The following LGSN variants were observed in gnomAD, a reference collection of about 807,000 sequenced individuals.
The protein encoded by LGSN is lengsin, lens protein with glutamine synthetase domain, also known as lengsin.
LGSN carries 21 observed loss-of-function variants against 19.5 expected under a neutral mutation model. That is an observed-to-expected ratio of 1.07 (90% CI 0.76 to 1.55). The LOEUF (loss-of-function observed/expected upper bound fraction) is 1.55. LGSN is among the 40% of genes most tolerant of loss of function. LGSN has a pLI of 0.00. For missense variants in LGSN, 673 were observed against 608.5 expected (o/e 1.11, Z -1.12); for synonymous variants, 257 against 215.6 (o/e 1.19, Z -1.68).
At chr6:63,538,463 TA>T in the LGSN span, among the ~76,000 whole-genome samples, 1 of 152,230 alleles carries the variant, frequency 6.6e-6, no homozygotes, top group African/African-American at 2.4e-5. Context: ...AAAATTAGAT[TA>T]GTTTAATTTG....
chr6:63,406,475 C>T, the LGSN span, among the ~76,000 whole-genome samples: 1 of 150,472 alleles, frequency 6.6e-6, no homozygotes, highest in Non-Finnish European at 1.5e-5. Context: ...TTCTTTGAAA[C>T]CAAAGAGAAC....
At chr6:63,525,375 C>T in the LGSN span, among the ~76,000 whole-genome samples, 1 of 152,306 alleles carries the variant, frequency 6.6e-6, no homozygotes, top group African/African-American at 2.4e-5. Context: ...AGAGAGAGAA[C>T]AGACGGGAGG....
chr6:63,513,035 C>T, the LGSN span, among the ~76,000 whole-genome samples: 4 of 152,126 alleles, frequency 2.6e-5, no homozygotes, highest in Admixed American at 1.3e-4. Context: ...AGTGTTTGCC[C>T]AGAGAAATTT....
the LGSN span, among the ~76,000 whole-genome samples, chr6:63,369,959 G>A: frequency 7.9e-5 from 12 of 152,042 alleles, no homozygotes; most frequent in Non-Finnish European, 7.4e-5. Context: ...CCAAGATCAG[G>A]CCACTGCACT....
the LGSN span, among the ~76,000 whole-genome samples, chr6:63,348,515 C>T: frequency 1.3e-4 from 20 of 151,882 alleles, no homozygotes; most frequent in African/African-American, 4.8e-4. Context: ...TCTACGAGCT[C>T]TTGGTGCGCA....
At chr6:63,357,027 C>T in the LGSN span, among the ~76,000 whole-genome samples, 18,355 of 139,268 alleles carry the variant, frequency 0.13, 2,640 homozygotes, top group African/African-American at 0.36. Flanking sequence ...TTCCCCTTCC[C>T]GTGTCCATGT....
the LGSN span, among the ~76,000 whole-genome samples, chr6:63,554,560 G>A: frequency 6.6e-6 from 1 of 152,172 alleles, no homozygotes; most frequent in Non-Finnish European, 1.5e-5. Flanking sequence ...CACTTTGGGA[G>A]GCCAAGGTGG....
chr6:63,549,309 C>T, the LGSN span: 3 of 753,418 alleles, frequency 4.0e-6, no homozygotes, highest in East Asian at 2.5e-5. Context: ...GAGGATGGCT[C>T]TCTGCCGCTG....
chr6:63,344,812 T>A, the LGSN span, among the ~76,000 whole-genome samples: 5 of 152,080 alleles, frequency 3.3e-5, no homozygotes, highest in Non-Finnish European at 5.9e-5. Context: ...CAGAAAAAAA[T>A]ACTCATAGAA....
the LGSN span, among the ~76,000 whole-genome samples, chr6:63,479,719 G>A: frequency 3.4e-5 from 5 of 148,540 alleles, no homozygotes; most frequent in Non-Finnish European, 6.0e-5. Flanking sequence ...CAGCTTGGGC[G>A]ACAGAGTGAG....
At chr6:63,398,418 T>C in the LGSN span, among the ~76,000 whole-genome samples, 1 of 151,932 alleles carries the variant, frequency 6.6e-6, no homozygotes, top group African/African-American at 2.4e-5. Context: ...ATGTGTGTAC[T>C]TATGTCTTAG....
In LGSN at chr6:63,280,891, A is replaced by C. The variant is rs779795604; in HGVS notation, c.660T>G (p.Asn220Lys). 6.2e-7 allele frequency: 1 copy of C among 1,614,048 alleles called. No homozygotes were observed. The highest frequency in any genetic ancestry group is 8.5e-7 in the Non-Finnish European group (1 of 1,179,988). The change falls in exon 4 of 4, where the codon AAT becomes AAG. Residue 220 changes from asparagine (N) to lysine (K), a missense_variant. By Grantham distance (94) the Asn-to-Lys change is moderately conservative. Transcript: ENST00000370657. ...AAGCAGGAAAAGATATAATCTTTGA[A>C]TTTAAAATTTCGGGCACACCAAAAA... ...FCIFGVPEIL[N>K]SKIISFPALT... is the part of the protein sequence containing the mutation.
At chr6:63,454,025 G>GA in the LGSN span, among the ~76,000 whole-genome samples, 3 of 152,110 alleles carry the variant, frequency 2.0e-5, no homozygotes, top group African/African-American at 7.2e-5. Flanking sequence ...TTACATGTAG[G>GA]AAAACTGATA....
At chr6:63,452,584 T>A in the LGSN span, among the ~76,000 whole-genome samples, 1 of 151,754 alleles carries the variant, frequency 6.6e-6, no homozygotes. Context: ...AATATATTTA[T>A]TTTTTTTAAG....
the LGSN span, among the ~76,000 whole-genome samples, chr6:63,486,155 G>T: frequency 3.9e-5 from 6 of 152,080 alleles, no homozygotes; most frequent in Non-Finnish European, 7.4e-5. Context: ...TAATAAATTT[G>T]TACTTAAGAC....
At chr6:63,352,491 T>A in the LGSN span, among the ~76,000 whole-genome samples, 3 of 151,968 alleles carry the variant, frequency 2.0e-5, no homozygotes, top group Non-Finnish European at 4.4e-5. Flanking sequence ...AGAGTCTCCA[T>A]CTCTACAAAA....
At chr6:63,470,222 T>C in the LGSN span, among the ~76,000 whole-genome samples, 17 of 151,748 alleles carry the variant, frequency 1.1e-4, no homozygotes, top group South Asian at 3.5e-3. Context: ...AATCCCAGCA[T>C]TTTGGAAGGC....
At chr6:63,486,682 C>CTTTTT in the LGSN span, among the ~76,000 whole-genome samples, 44 of 115,832 alleles carry the variant, frequency 3.8e-4, no homozygotes, top group African/African-American at 6.0e-4. Flanking sequence ...TTATTTTCTT[C>CTTTTT]TTTTTTTTTT....
the LGSN span, among the ~76,000 whole-genome samples, chr6:63,459,857 T>C: frequency 1.3e-5 from 2 of 152,004 alleles, no homozygotes; most frequent in African/African-American, 4.8e-5. Flanking sequence ...CATCATGCCA[T>C]TACACTCCAG....
Sources: allele counts gnomAD v4.1 joint callset (sites outside exome capture counted in the v4.1 genomes callset), GRCh38; gene constraint gnomAD v4.1.1; transcripts MANE v1.5; gene names NCBI Gene and HGNC (gene_info 2026-07-23, HGNC 2026-07-21).